The following MAP7 variants were observed in gnomAD, a reference collection of about 807,000 sequenced individuals.
The protein encoded by MAP7 is microtubule associated protein 7, also known as ensconsin.
In MAP7, 52 loss-of-function variants were observed where a neutral mutation model predicts 94.8. The observed-to-expected ratio is 0.55, with a 90% confidence interval of 0.44 to 0.69. MAP7 has a LOEUF of 0.69. MAP7 is among the 30% of genes least tolerant of loss of function. The pLI is 0.00. For synonymous variants in MAP7, 350 were observed against 357.0 expected (o/e 0.98, Z 0.22); for missense variants, 940 against 964.6 (o/e 0.97, Z 0.34).
At chr6:136,395,001 T>G (rs1324856899) in intron 3 of MAP7, among the ~76,000 whole-genome samples, 1 of 134,936 alleles carries the variant, frequency 7.4e-6, no homozygotes, top group Non-Finnish European at 1.6e-5. Context: ...CATCCACTGA[T>G]GGACACTTAG....
intron 1 of MAP7, among the ~76,000 whole-genome samples, chr6:136,465,532 CAGTT>C (rs1401839883): frequency 6.6e-6 from 1 of 152,126 alleles, no homozygotes; most frequent in African/African-American, 2.4e-5. Flanking sequence ...AATGGAAAGT[CAGTT>C]AGCCGATTAA....
intron 1 of MAP7, among the ~76,000 whole-genome samples, chr6:136,498,376 C>G (rs2129004584): frequency 6.6e-6 from 1 of 152,152 alleles, no homozygotes; most frequent in South Asian, 2.1e-4. Flanking sequence ...CTGGGAACAC[C>G]AGGACCTGCC....
At chr6:136,389,228 T>A (rs1780004592) in intron 4 of MAP7, 126 bp downstream of exon 4, 1 of 1,415,988 alleles carries the variant, frequency 7.1e-7, no homozygotes, top group African/African-American at 1.5e-5. Context: ...TGTAGCCATC[T>A]GTAAAGCTGA....
Position 136,366,338 on chromosome 6 carries a change from G to A in MAP7, c.978C>T (p.Arg326=), listed in dbSNP as rs780997495. ...TATATTTCACTTACCAAAGTCGGGAGCGAGCTGGTTGTCTTGCTTTGGGAT... is the reference window on the plus strand; with the variant it reads ...TATATTTCACTTACCAAAGTCGGGAACGAGCTGGTTGTCTTGCTTTGGGAT... ...PSNPKARQPA[R]SRLWLPSKSL... Residue 326 remains arginine, a synonymous_variant, in exon 9 of 18, where the codon CGC becomes CGT. Transcript: ENST00000354570. The A allele has an allele frequency of 4.8e-5, 78 of 1,613,742 alleles. No homozygotes were observed. The highest frequency in any genetic ancestry group is 6.6e-5 in the Non-Finnish European group (78 of 1,179,736).
intron 16 of MAP7, among the ~76,000 whole-genome samples, chr6:136,351,361 T>C (rs139041052): frequency 6.8e-4 from 104 of 152,310 alleles, no homozygotes; most frequent in African/African-American, 2.4e-3. Flanking sequence ...CCTAGTGTAC[T>C]GTGTGTTTTC....
intron 1 of MAP7, among the ~76,000 whole-genome samples, chr6:136,449,528 C>A (rs1254334841): frequency 6.6e-6 from 1 of 152,194 alleles, no homozygotes; most frequent in African/African-American, 2.4e-5. Flanking sequence ...TGGTTACAGC[C>A]CGGCATTTGC....
intron 1 of MAP7, among the ~76,000 whole-genome samples, chr6:136,447,949 T>C (rs1799848872): frequency 6.6e-6 from 1 of 152,154 alleles, no homozygotes; most frequent in Admixed American, 6.5e-5. Flanking sequence ...CCCAGCACTT[T>C]GGGAGGCTGA....
chr6:136,537,559 TCCTAGTGTTAAGTAAATCCATACAAAA>T (rs1470617461), intron 1 of MAP7, among the ~76,000 whole-genome samples: 1 of 152,198 alleles, frequency 6.6e-6, no homozygotes, highest in Non-Finnish European at 1.5e-5. Context: ...ATGGGTTTAT[TCCTAGTGTTAAGTAAATCCATACAAAA>T]CTTATTTTCA....
intron 1 of MAP7, among the ~76,000 whole-genome samples, chr6:136,534,647 T>C (rs1828735726): frequency 6.6e-6 from 1 of 152,218 alleles, no homozygotes; most frequent in Admixed American, 6.5e-5. Context: ...CAGATAATTT[T>C]CCAATACTGT....
At chr6:136,460,569 C>A (rs564283904) in intron 1 of MAP7, among the ~76,000 whole-genome samples, 2 of 152,234 alleles carry the variant, frequency 1.3e-5, no homozygotes, top group East Asian at 3.9e-4. Flanking sequence ...AGGAAACAAG[C>A]CTGCCCTGTA....
At chr6:136,508,937 T>C (rs1257622052) in intron 1 of MAP7, among the ~76,000 whole-genome samples, 1 of 152,232 alleles carries the variant, frequency 6.6e-6, no homozygotes, top group Non-Finnish European at 1.5e-5. Context: ...CACCATTTAA[T>C]ACCATTTAAG....
chr6:136,450,533 T>C (rs977058461), intron 1 of MAP7, among the ~76,000 whole-genome samples: 2 of 152,132 alleles, frequency 1.3e-5, no homozygotes, highest in African/African-American at 4.8e-5. Context: ...TTTTAAGATA[T>C]ACCACACTTT....
In MAP7 at chr6:136,342,839, A is replaced by C. The variant is rs1466033655; in HGVS notation, c.*1389T>G. 1 of 152,256 alleles carries C rather than the reference A, an allele frequency of 6.6e-6. No individual in the cohort carries two copies. The highest frequency in any genetic ancestry group is 2.1e-4 in the South Asian group (1 of 4,830). The allele number at this position is 152,256 out of a possible 1,614,324, so 9.4% of individuals were successfully genotyped here. A position where few individuals can be genotyped will look rare whatever the true frequency, so the allele number is the denominator to read the frequency against. On this transcript the variant is annotated 3_prime_UTR_variant, in exon 18 of 18. Coordinates refer to ENST00000354570, the MANE Select transcript of MAP7 (RefSeq NM_003980.6). ...CTTTTCTAATATAATGACTATGTGT[A>C]CATGGACAACTGAAAACAGGGAAAA... is the stretch of plus-strand genomic sequence containing the variant.
At chr6:136,451,463 G>C (rs2128882118) in intron 1 of MAP7, among the ~76,000 whole-genome samples, 1 of 152,254 alleles carries the variant, frequency 6.6e-6, no homozygotes, top group South Asian at 2.1e-4. Flanking sequence ...ACTGTTCATT[G>C]ACAATGCATC....
At chr6:136,548,984 T>C (rs981153839) in intron 1 of MAP7, among the ~76,000 whole-genome samples, 1 of 152,216 alleles carries the variant, frequency 6.6e-6, no homozygotes, top group Non-Finnish European at 1.5e-5. Context: ...TCTACCAATC[T>C]TGCGAACACA....
chr6:136,382,645 A>G (rs1010231270), intron 6 of MAP7, among the ~76,000 whole-genome samples: 13 of 152,226 alleles, frequency 8.5e-5, no homozygotes, highest in African/African-American at 3.1e-4. Flanking sequence ...AACATTTACT[A>G]TTTTAAGAGA....
chr6:136,529,487 C>T (rs1394903449), intron 1 of MAP7, among the ~76,000 whole-genome samples: 2 of 152,178 alleles, frequency 1.3e-5, no homozygotes, highest in Admixed American at 1.3e-4. Flanking sequence ...CCTTGCATGT[C>T]ACATGCAGAT....
chr6:136,491,079 G>C (rs1251595940), intron 1 of MAP7, among the ~76,000 whole-genome samples: 1 of 152,170 alleles, frequency 6.6e-6, no homozygotes, highest in Non-Finnish European at 1.5e-5. Flanking sequence ...TTTCTGCCTA[G>C]AATAATGATG....
intron 3 of MAP7, among the ~76,000 whole-genome samples, chr6:136,406,655 T>C (rs1021494604): frequency 6.6e-6 from 1 of 152,102 alleles, no homozygotes; most frequent in Non-Finnish European, 1.5e-5. Context: ...ATCCCATCTC[T>C]ACTAAAAATA....
Sources: allele counts gnomAD v4.1 joint callset (sites outside exome capture counted in the v4.1 genomes callset), GRCh38; gene constraint gnomAD v4.1.1; transcripts MANE v1.5; gene names NCBI Gene and HGNC (gene_info 2026-07-23, HGNC 2026-07-21).